OTOF: variants seen among roughly 807,000 people sequenced by gnomAD.
OTOF encodes fer-1-like family member 2.
OTOF carries 218 observed loss-of-function variants against 236.8 expected under a neutral mutation model. That is an observed-to-expected ratio of 0.92 (90% CI 0.82 to 1.03). The LOEUF (loss-of-function observed/expected upper bound fraction) is 1.03, where lower values mean the gene tolerates loss of function less well. Among genes scored for constraint, OTOF ranks in the 50% least tolerant of loss-of-function variants. OTOF has a pLI of 0.00. For missense variants in OTOF, 2,590 were observed against 2,694.4 expected (o/e 0.96, Z 0.86); for synonymous variants, 1,041 against 1,072.5 (o/e 0.97, Z 0.57).
chr2:26,538,380 A>G (rs11682148), intron 1 of OTOF, among the ~76,000 whole-genome samples: 100,066 of 152,210 alleles, frequency 0.66, 36,676 homozygotes, highest in East Asian at 0.97. Flanking sequence ...CAGAGAAGAC[A>G]GTCTCTGGCA....
chr2:26,503,890 T>TGCAG, intron 5 of OTOF, 45 bp from the exon 6 acceptor site: 1 of 1,540,694 alleles, frequency 6.5e-7, no homozygotes. Context: ...GAGGGACGCA[T>TGCAG]GGAGGAAAAC....
chr2:26,537,649 G>A, intron 2 of OTOF, 67 bp downstream of exon 2: 3 of 1,228,358 alleles, frequency 2.4e-6, no homozygotes, highest in South Asian at 1.3e-5. Flanking sequence ...CCCGCAAGAG[G>A]CAGCGAAGGG....
chr2:26,521,506 G>A (rs1306302155), intron 3 of OTOF, among the ~76,000 whole-genome samples: 6 of 152,172 alleles, frequency 3.9e-5, no homozygotes, highest in East Asian at 3.9e-4. Flanking sequence ...CTTGTCCAGC[G>A]CCCCTTCCAG....
chr2:26,474,256 G>T lies in OTOF; in HGVS notation c.3289-146C>A, dbSNP rs1665140725. The T allele has an allele frequency of 7.1e-6, 8 of 1,119,702 alleles. 1 individual carries two copies. The Admixed American group carries it at 1.6e-4, about 22-fold the overall frequency. The allele number at this position is 1,119,702 out of a possible 1,614,324, so 69.4% of individuals were successfully genotyped here. A position where few individuals can be genotyped will look rare whatever the true frequency, so the allele number is the denominator to read the frequency against. ...TTTGGTCAGGATGGGTAGGAGAGAG[G>T]CCCCTAGGCCCCAGCCCCCAGGCCC... On this transcript the variant is annotated intron_variant, in intron 26 of 46. Coordinates refer to ENST00000272371, the MANE Select transcript of OTOF (RefSeq NM_194248.3).
At chr2:26,489,474 C>T (rs774701309) in intron 10 of OTOF, among the ~76,000 whole-genome samples, 179 bp from the exon 11 acceptor site, 4 of 152,208 alleles carry the variant, frequency 2.6e-5, no homozygotes, top group South Asian at 2.1e-4. Flanking sequence ...CCACTGTTTA[C>T]GGGCGAATGC....
Position 26,558,681 on chromosome 2 carries a change from T to C in OTOF, c.-110A>G. On this transcript the variant is annotated 5_prime_UTR_variant, in exon 1 of 47. Coordinates refer to ENST00000272371, the MANE Select transcript of OTOF (RefSeq NM_194248.3). ...CTCTGCCGCTGCCTCCTCCTCCTCC[T>C]CCCGACCCCCCTCCGATGCTGCCCA... 1.1e-6 allele frequency: 1 copy of C among 918,492 alleles called. No homozygotes were observed. Among genetic ancestry groups the C allele is most frequent in the Middle Eastern group, 3.2e-4 (1 of 3,156 alleles). The allele number at this position is 918,492 out of a possible 1,614,324, so 56.9% of individuals were successfully genotyped here. A position where few individuals can be genotyped will look rare whatever the true frequency, so the allele number is the denominator to read the frequency against.
chr2:26,475,503 G>A lies in OTOF; in HGVS notation c.2992-10C>T, dbSNP rs766343182. 1.2e-6 allele frequency: 2 copies of A among 1,611,742 alleles called. No individual in the cohort carries two copies. The highest frequency in any genetic ancestry group is 3.3e-5 in the Admixed American group (2 of 59,996). ...GGGTCTCATTCAGCACCTGCAGCATGGGATGGGGAGACAGGGGACAAGTGA... is the reference window on the plus strand; with the variant it reads ...GGGTCTCATTCAGCACCTGCAGCATAGGATGGGGAGACAGGGGACAAGTGA... On this transcript the variant is annotated splice_polypyrimidine_tract_variant and intron_variant, in intron 24 of 46. Transcript: ENST00000272371.
intron 5 of OTOF, among the ~76,000 whole-genome samples, chr2:26,504,122 T>C (rs1296728085): frequency 6.6e-6 from 1 of 152,042 alleles, no homozygotes; most frequent in East Asian, 1.9e-4. Flanking sequence ...AACGTGGTCT[T>C]GAGCCGGAAA....
chr2:26,538,919 T>C (rs1667143779), intron 1 of OTOF, among the ~76,000 whole-genome samples: 2 of 151,574 alleles, frequency 1.3e-5, no homozygotes, highest in Non-Finnish European at 2.9e-5. Context: ...GTTCAAGCGA[T>C]TCTCCTGCCT....
chr2:26,478,815 C>T (rs866480017), intron 18 of OTOF, among the ~76,000 whole-genome samples: 2 of 152,230 alleles, frequency 1.3e-5, no homozygotes, highest in African/African-American at 4.8e-5. Flanking sequence ...TCTCCTGCTT[C>T]AGCCTCCCGA....
At chr2:26,489,870 G>T in intron 9 of OTOF, 130 bp from the exon 10 acceptor site, 3 of 749,410 alleles carry the variant, frequency 4.0e-6, no homozygotes, top group Middle Eastern at 5.1e-4. Flanking sequence ...AAAGTTCAGA[G>T]GAGCAGCAGA....
intron 46 of OTOF, among the ~76,000 whole-genome samples, chr2:26,459,791 G>A (rs1354694461): frequency 6.6e-6 from 1 of 152,198 alleles, no homozygotes; most frequent in African/African-American, 2.4e-5. Flanking sequence ...AAGCTTGAAA[G>A]TTGCTGTGCA....
chr2:26,556,904 G>A (rs1195321427), intron 1 of OTOF, among the ~76,000 whole-genome samples: 1 of 152,234 alleles, frequency 6.6e-6, no homozygotes, highest in Non-Finnish European at 1.5e-5. Context: ...ACATTTCACA[G>A]ATGAAAGGAC....
Position 26,462,656 on chromosome 2 carries a change from C to A in OTOF, c.5193-475G>T, listed in dbSNP as rs984782021. On this transcript the variant is annotated intron_variant, in intron 41 of 46. Transcript: ENST00000272371. The surrounding 1 kb of genome is among the most constrained non-coding windows in gnomAD (Gnocchi z 4.7). ...GACAGGGCTGCGAGCCCAGAGTGGC[C>A]CAGTGAGTTGGGTGCCCCCTAATGA... 2.6e-5 allele frequency among the ~76,000 whole-genome samples: 4 copies of A among 152,322 alleles called. No individual in the cohort carries two copies. The East Asian group carries it at 7.7e-4, about 29-fold the overall frequency.
In OTOF at chr2:26,502,316, T is replaced by G. The variant is rs777236383; in HGVS notation, c.694A>C (p.Asn232His). The G allele has an allele frequency of 1.6e-5, 26 of 1,613,812 alleles. No individual in the cohort carries two copies. The East Asian group carries it at 5.8e-4, about 36-fold the overall frequency. ...SLASVTALTT[N>H]VSNKRSKPDI... The stretch of plus-strand genomic sequence containing the variant: ...TCCACTCACCGCTTGTTGGAGACAT[T>G]AGTGGTGAGAGCTGTGACTGAGGCT... Residue 232 changes from asparagine (N) to histidine (H), a missense_variant, in exon 7 of 47, where the codon AAT (asparagine) becomes CAT (histidine). This residue lies in a region of OTOF where 1,379 missense variants were observed against 1,341.6 expected (regional missense o/e 1.03). Coordinates refer to ENST00000272371, the MANE Select transcript of OTOF (RefSeq NM_194248.3).
intron 5 of OTOF, among the ~76,000 whole-genome samples, chr2:26,514,313 T>C (rs1430213585): frequency 6.6e-6 from 1 of 152,206 alleles, no homozygotes; most frequent in Non-Finnish European, 1.5e-5. Flanking sequence ...AGCCCCTCCT[T>C]TTGCTCCCGC....
chr2:26,483,036 T>G (rs1665601732), intron 13 of OTOF, among the ~76,000 whole-genome samples: 1 of 149,336 alleles, frequency 6.7e-6, no homozygotes, highest in Non-Finnish European at 1.5e-5. Flanking sequence ...CGTGTGTGAG[T>G]GGGTGCATGT....
At chr2:26,495,380 CA>C (rs1179065820) in intron 8 of OTOF, among the ~76,000 whole-genome samples, 2 of 152,166 alleles carry the variant, frequency 1.3e-5, no homozygotes, top group African/African-American at 2.4e-5. Flanking sequence ...ATGCCCAGGC[CA>C]CCTCCAGACC....
At chr2:26,474,478 C>T in intron 26 of OTOF, 35 bp downstream of exon 26, 1 of 1,532,752 alleles carries the variant, frequency 6.5e-7, no homozygotes, top group Non-Finnish European at 8.8e-7. Flanking sequence ...AGCCTCCAGT[C>T]CCCAGGCCTC....
Sources: gnomAD v4.1 joint callset for allele counts (sites outside exome capture counted in the v4.1 genomes callset) on GRCh38, gnomAD v4.1.1 for gene constraint, gnomAD v4.1.1 regional missense constraint, Gnocchi (gnomAD v3.1) non-coding constraint, MANE v1.5 for transcripts, NCBI Gene and HGNC (gene_info 2026-07-23, HGNC 2026-07-21) for gene names.